The following ALX1 variants were observed in gnomAD, a reference collection of about 807,000 sequenced individuals.
ALX1 encodes the protein ALX homeobox 1, also known as ALX homeobox protein 1.
ALX1 carries 19 observed loss-of-function variants against 31.7 expected under a neutral mutation model. The ratio of observed to expected loss-of-function variants is 0.60; its 90% CI spans 0.42 to 0.88. ALX1 has a LOEUF of 0.88. Among genes scored for constraint, ALX1 ranks in the 40% least tolerant of loss-of-function variants. ALX1 has a pLI of 0.00. For missense variants in ALX1, 415 were observed against 407.8 expected, an observed-to-expected ratio of 1.02 and a Z score of -0.15; for synonymous variants, 153 against 148.8, an observed-to-expected ratio of 1.03 and a Z score of -0.20.
intron 3 of ALX1, among the ~76,000 whole-genome samples, chr12:85,299,299 A>G (rs528705291): frequency 2.3e-4 from 35 of 151,820 alleles, no homozygotes; most frequent in African/African-American, 5.8e-4. Flanking sequence ...GAGTAATGAC[A>G]TTAGCAGCCC....
chr12:85,287,454 T>G (rs933843383), intron 3 of ALX1, among the ~76,000 whole-genome samples: 3 of 125,576 alleles, frequency 2.4e-5, no homozygotes, highest in Admixed American at 7.4e-5. Context: ...TTTTTCTATG[T>G]TTTTTTTTTT....
chr12:85,285,005 G>A (rs1187619260), intron 2 of ALX1, among the ~76,000 whole-genome samples: 1 of 152,030 alleles, frequency 6.6e-6, no homozygotes, highest in African/African-American at 2.4e-5. Context: ...GAAGCAAATG[G>A]TTACTTTATC....
At chr12:85,299,133 C>CT (rs879936173) in intron 3 of ALX1, among the ~76,000 whole-genome samples, 65 of 139,112 alleles carry the variant, frequency 4.7e-4, no homozygotes, top group Admixed American at 5.8e-4. Flanking sequence ...TGTTGTCTTC[C>CT]TTTTTTTTTT....
intron 2 of ALX1, among the ~76,000 whole-genome samples, chr12:85,286,128 T>C (rs1896743432): frequency 6.6e-6 from 1 of 151,904 alleles, no homozygotes; most frequent in South Asian, 2.1e-4. Context: ...CGTAAAGATA[T>C]CCGAGCATTT....
At position 85,283,612 on chromosome 12, in the gene ALX1, C is replaced by T. The variant is rs1353150697; in HGVS notation, c.267C>T (p.His89=). The change falls in exon 2 of 4, where the codon CAC becomes CAT. Residue 89 remains histidine (H), a synonymous_variant. Transcript: ENST00000316824. ...CTAAAGTAGAAGGACAGCCCCTTCA[C>T]ACCGAACTGAATAGAGCTATGGACA... ...GITKVEGQPL[H]TELNRAMDNC... The T allele has an allele frequency of 6.2e-7, 1 of 1,614,146 alleles. No individual in the cohort carries two copies. The highest frequency in any genetic ancestry group is 1.7e-5 in the Admixed American group (1 of 60,020).
intron 3 of ALX1, among the ~76,000 whole-genome samples, chr12:85,292,272 C>G (rs1170715929): frequency 6.6e-6 from 1 of 150,902 alleles, no homozygotes; most frequent in Non-Finnish European, 1.5e-5. Context: ...AATTGAAAAC[C>G]AAATACGGTA....
chr12:85,280,423 A>G lies in ALX1; in HGVS notation c.162A>G (p.Gly54=). ...ASAGKCVQAF[G]PLPRAEHHVR... ...CAGGCAAATGCGTGCAGGCCTTCGGACCCCTGCCCCGCGCCGAGCATCACG... is the reference window on the plus strand; with the variant it reads ...CAGGCAAATGCGTGCAGGCCTTCGGGCCCCTGCCCCGCGCCGAGCATCACG... The change falls in exon 1 of 4, where the codon GGA becomes GGG. Residue 54 remains glycine (G), a synonymous_variant. Transcript: ENST00000316824. 1 of 1,612,334 alleles carries G rather than the reference A, an allele frequency of 6.2e-7. No homozygotes were observed. The highest frequency in any genetic ancestry group is 8.5e-7 in the Non-Finnish European group (1 of 1,179,958).
At chr12:85,286,704 A>T in intron 2 of ALX1, 149 bp from the exon 3 acceptor site, 2 of 765,454 alleles carry the variant, frequency 2.6e-6, no homozygotes, top group Non-Finnish European at 4.0e-6. Flanking sequence ...GAAAAAGTAA[A>T]ATCTGTGGAT....
At chr12:85,292,496 T>C (rs1175954064) in intron 3 of ALX1, among the ~76,000 whole-genome samples, 1 of 151,114 alleles carries the variant, frequency 6.6e-6, no homozygotes, top group African/African-American at 2.4e-5. Flanking sequence ...CGTTGTATTA[T>C]TGAGGACTTC....
chr12:85,297,372 T>C (rs1896903965), intron 3 of ALX1, among the ~76,000 whole-genome samples: 2 of 151,680 alleles, frequency 1.3e-5, no homozygotes, highest in Non-Finnish European at 1.5e-5. Context: ...ATATGAGGAA[T>C]GGTTAAAAGC....
intron 2 of ALX1, 148 bp downstream of exon 2, chr12:85,284,024 T>C (rs1211154788): frequency 2.2e-6 from 2 of 910,514 alleles, no homozygotes; most frequent in Non-Finnish European, 1.6e-6. Context: ...ATATGTCTAC[T>C]AAAATTATTT....
chr12:85,283,098 G>A (rs986605930), intron 1 of ALX1, among the ~76,000 whole-genome samples: 1 of 152,166 alleles, frequency 6.6e-6, no homozygotes, highest in Non-Finnish European at 1.5e-5. Flanking sequence ...TTACGTGGAG[G>A]AGGATAATAA....
chr12:85,288,868 C>T lies in ALX1; in HGVS notation c.660+1887C>T, dbSNP rs536001403. On this transcript the variant is annotated intron_variant, in intron 3 of 3. Transcript: ENST00000316824. ...TTTGAGCTGCATTATTGTAAGTCTG[C>T]GCTTTAGTGTCAGGAGCCACAACCA... Among the ~76,000 whole-genome samples the T allele has an allele frequency of 5.3e-5, 8 of 151,358 alleles. No individual in the cohort carries two copies. In the South Asian group the frequency reaches 1.2e-3, roughly 24 times the overall value.
At chr12:85,290,705 A>C (rs1896807055) in intron 3 of ALX1, among the ~76,000 whole-genome samples, 1 of 151,082 alleles carries the variant, frequency 6.6e-6, no homozygotes, top group African/African-American at 2.4e-5. Flanking sequence ...TAACTAAATT[A>C]ATCTATTTAT....
At chr12:85,280,532 A>C in intron 1 of ALX1, 45 bp downstream of exon 1, 1 of 1,589,218 alleles carries the variant, frequency 6.3e-7, no homozygotes, top group East Asian at 2.2e-5. Flanking sequence ...GCCCTTCCGC[A>C]ATCGAAAATG....
intron 3 of ALX1, among the ~76,000 whole-genome samples, chr12:85,288,282 T>C (rs1010647722): frequency 1.6e-4 from 24 of 151,514 alleles, no homozygotes; most frequent in African/African-American, 5.6e-4. Context: ...AGACTATTCT[T>C]ATGGATACCT....
At chr12:85,296,614 AC>A (rs1227909536) in intron 3 of ALX1, among the ~76,000 whole-genome samples, 1 of 151,410 alleles carries the variant, frequency 6.6e-6, no homozygotes, top group African/African-American at 2.4e-5. Flanking sequence ...CTTTGAACAC[AC>A]CCCTAATATT....
chr12:85,294,052 A>T (rs1460501687), intron 3 of ALX1, among the ~76,000 whole-genome samples: 1 of 151,248 alleles, frequency 6.6e-6, no homozygotes, highest in Non-Finnish European at 1.5e-5. Context: ...ATGATGAGTA[A>T]AATCAATAGC....
At chr12:85,296,868 T>G (rs1896896004) in intron 3 of ALX1, among the ~76,000 whole-genome samples, 1 of 151,656 alleles carries the variant, frequency 6.6e-6, no homozygotes, top group Admixed American at 6.6e-5. Context: ...TTGCAGTATC[T>G]ATGAAATAGT....
Sources: allele counts gnomAD v4.1 joint callset (sites outside exome capture counted in the v4.1 genomes callset), GRCh38; gene constraint gnomAD v4.1.1; transcripts MANE v1.5; gene names NCBI Gene and HGNC (gene_info 2026-07-23, HGNC 2026-07-21).